The following AHCYL2 variants were observed in gnomAD, a reference collection of about 807,000 sequenced individuals.
The protein encoded by AHCYL2 is adenosylhomocysteinase like 2.
A neutral mutation model predicts 81.4 loss-of-function variants in AHCYL2; 28 were observed. The observed-to-expected ratio is 0.34, with a 90% CI of 0.25 to 0.47. The LOEUF is 0.47. AHCYL2 is among the 20% of genes least tolerant of loss of function. The probability of loss-of-function intolerance (pLI) is 1.00; values close to 1 mark genes in which losing one functional copy is unlikely to be tolerated. For missense variants in AHCYL2, 551 were observed against 785.1 expected, an observed-to-expected ratio of 0.70 and a Z score of 3.56; for synonymous variants, 272 against 290.2, an observed-to-expected ratio of 0.94 and a Z score of 0.64.
chr7:129,228,759 C>A (rs1794314295), intron 1 of AHCYL2, among the ~76,000 whole-genome samples: 1 of 152,248 alleles, frequency 6.6e-6, no homozygotes, highest in African/African-American at 2.4e-5. Flanking sequence ...GTGCTTACAT[C>A]AGTATCAGTA....
Position 129,397,281 on chromosome 7 carries a change from C to G in AHCYL2, c.780C>G (p.Ile260Met). The G allele has an allele frequency of 1.2e-6, 2 of 1,614,200 alleles. No individual in the cohort carries two copies. The highest frequency in any genetic ancestry group is 1.7e-6 in the Non-Finnish European group (2 of 1,180,024). ...GAQCRWAACN[I>M]YSTLNEVAAA... ...AGTGCCGATGGGCTGCCTGCAACATCTATTCCACTCTCAATGAAGTGGCTG... is the reference window on the plus strand; with the variant it reads ...AGTGCCGATGGGCTGCCTGCAACATGTATTCCACTCTCAATGAAGTGGCTG... The change falls in exon 5 of 17, where the codon ATC becomes ATG. Residue 260 changes from isoleucine to methionine, a missense_variant. Ile to Met is a conservative substitution (Grantham distance 10). Around this residue, in one of 2 missense-constraint regions of AHCYL2, gnomAD observed 316 missense variants for 543.1 expected, o/e 0.58. Coordinates refer to ENST00000325006, the MANE Select transcript of AHCYL2 (RefSeq NM_015328.4).
At chr7:129,344,225 A>C (rs1793283895) in intron 1 of AHCYL2, among the ~76,000 whole-genome samples, 1 of 152,162 alleles carries the variant, frequency 6.6e-6, no homozygotes, top group Non-Finnish European at 1.5e-5. Context: ...GTGACCCAGC[A>C]ATTTCACCCT....
At chr7:129,379,171 C>T (rs984789557) in intron 1 of AHCYL2, among the ~76,000 whole-genome samples, 15 of 151,516 alleles carry the variant, frequency 9.9e-5, no homozygotes, top group African/African-American at 3.6e-4. Flanking sequence ...ATCCCAGCTA[C>T]CAGGAGGCTG....
chr7:129,340,065 CACT>C (rs1406115557), intron 1 of AHCYL2, among the ~76,000 whole-genome samples: 10 of 150,908 alleles, frequency 6.6e-5, no homozygotes, highest in Non-Finnish European at 1.0e-4. Context: ...ACTACAGGCG[CACT>C]CCGCCACGCT....
intron 11 of AHCYL2, among the ~76,000 whole-genome samples, chr7:129,412,574 C>A (rs1584901208): frequency 1.3e-5 from 2 of 152,064 alleles, no homozygotes; most frequent in East Asian, 3.9e-4. Context: ...AGCCACTGCG[C>A]CTGGCTGGAA....
intron 1 of AHCYL2, among the ~76,000 whole-genome samples, chr7:129,340,401 A>G (rs1234414714): frequency 6.6e-6 from 1 of 151,018 alleles, no homozygotes; most frequent in Non-Finnish European, 1.5e-5. Context: ...CCCCGTCTCT[A>G]CTAAAAATAC....
intron 1 of AHCYL2, among the ~76,000 whole-genome samples, chr7:129,341,716 A>T (rs1276948337): frequency 6.6e-6 from 1 of 152,148 alleles, no homozygotes; most frequent in Admixed American, 6.6e-5. Context: ...ATAGCAGTAA[A>T]AGTGACTATT....
At chr7:129,407,316 C>T (rs760489370) in intron 10 of AHCYL2, among the ~76,000 whole-genome samples, 18 of 152,138 alleles carry the variant, frequency 1.2e-4, no homozygotes, top group Non-Finnish European at 2.5e-4. Context: ...TATGCCACTA[C>T]GCTCCAGCCT....
At chr7:129,363,689 C>T (rs1794009358) in intron 1 of AHCYL2, among the ~76,000 whole-genome samples, 1 of 152,112 alleles carries the variant, frequency 6.6e-6, no homozygotes, top group African/African-American at 2.4e-5. Context: ...AGGCGCCCGC[C>T]ACCACGCCCA....
intron 1 of AHCYL2, among the ~76,000 whole-genome samples, chr7:129,349,486 A>AC (rs1250848254): frequency 6.7e-6 from 1 of 149,948 alleles, no homozygotes; most frequent in South Asian, 2.1e-4. Context: ...AAAAAAAAAA[A>AC]AACCCACAAA....
chr7:129,271,627 G>C (rs1796020850), intron 1 of AHCYL2, among the ~76,000 whole-genome samples: 1 of 152,006 alleles, frequency 6.6e-6, no homozygotes, highest in African/African-American at 2.4e-5. Context: ...ACCCGGGTGC[G>C]GGTAACATTG....
chr7:129,374,504 T>TAAA (rs113939567), intron 1 of AHCYL2, among the ~76,000 whole-genome samples: 1 of 141,816 alleles, frequency 7.1e-6, no homozygotes. Flanking sequence ...AGATTATCCT[T>TAAA]AAAAAAAAAA....
At chr7:129,385,590 T>C (rs1319601896) in intron 2 of AHCYL2, among the ~76,000 whole-genome samples, 4 of 152,226 alleles carry the variant, frequency 2.6e-5, no homozygotes, top group Non-Finnish European at 4.4e-5. Context: ...ACGTAGAAAC[T>C]GAACCCTTTT....
At chr7:129,373,307 A>G (rs1002831703) in intron 1 of AHCYL2, among the ~76,000 whole-genome samples, 1 of 152,138 alleles carries the variant, frequency 6.6e-6, no homozygotes, top group Non-Finnish European at 1.5e-5. Flanking sequence ...GCACTTTGGG[A>G]GGCCGAGGTG....
At chr7:129,285,696 C>CTT (rs71526096) in intron 1 of AHCYL2, among the ~76,000 whole-genome samples, 24 of 100,592 alleles carry the variant, frequency 2.4e-4, no homozygotes, top group African/African-American at 7.1e-4. Context: ...CTCTCTCTCT[C>CTT]TTTTTTTTTT....
intron 1 of AHCYL2, among the ~76,000 whole-genome samples, chr7:129,249,268 G>A (rs1795166641): frequency 1.3e-5 from 2 of 152,040 alleles, no homozygotes; most frequent in Non-Finnish European, 2.9e-5. Flanking sequence ...AAAGTGCTGG[G>A]ATTACAGACA....
intron 1 of AHCYL2, among the ~76,000 whole-genome samples, chr7:129,292,181 A>G (rs1396893206): frequency 6.6e-6 from 1 of 152,188 alleles, no homozygotes; most frequent in Non-Finnish European, 1.5e-5. Flanking sequence ...CTTTGATTAG[A>G]TAATTATAAC....
rs1218106296 is a variant in AHCYL2 at position 129,345,842 on chromosome 7, A to G, written c.364-33796A>G. 4.6e-5 allele frequency among the ~76,000 whole-genome samples: 7 copies of G among 152,190 alleles called. No homozygotes were observed. In the East Asian group the frequency reaches 5.8e-4, roughly 13 times the overall value. On this transcript the variant is annotated intron_variant, in intron 1 of 16. Coordinates refer to ENST00000325006, the MANE Select transcript of AHCYL2 (RefSeq NM_015328.4). ...TCCAGGTTTCCGAAATAGAGGCTCA[A>G]TTATTGACATAGGTAATCCTAGAGG...
intron 13 of AHCYL2, 66 bp from the exon 14 acceptor site, chr7:129,424,808 T>C: frequency 2.6e-6 from 4 of 1,559,716 alleles, no homozygotes; most frequent in Non-Finnish European, 3.5e-6. Flanking sequence ...ATGCTTCTCT[T>C]CCCTCACTTC....
Sources: gnomAD v4.1 joint callset for allele counts (sites outside exome capture counted in the v4.1 genomes callset) on GRCh38, gnomAD v4.1.1 for gene constraint, gnomAD v4.1.1 regional missense constraint, MANE v1.5 for transcripts, NCBI Gene and HGNC (gene_info 2026-07-23, HGNC 2026-07-21) for gene names.